The following FAAP20 variants were observed in gnomAD, a reference collection of about 807,000 sequenced individuals.
The protein encoded by FAAP20 is Fanconi anemia core complex-associated protein 20.
A neutral mutation model predicts 16.2 loss-of-function variants in FAAP20; 12 were observed. That is an observed-to-expected ratio of 0.74 (90% confidence interval 0.48 to 1.20). The LOEUF is 1.20. Among genes scored for constraint, FAAP20 ranks in the 50% most tolerant of loss-of-function variants. The pLI is 0.00. For synonymous variants in FAAP20, 141 were observed against 110.7 expected (o/e 1.27, Z -1.72); for missense variants, 288 against 245.8 (o/e 1.17, Z -1.15).
intron 3 of FAAP20, 129 bp from the exon 4 acceptor site, chr1:2,189,910 C>A (rs1030743495): frequency 1.3e-6 from 1 of 749,454 alleles, no homozygotes. Context: ...AAACAAGGGA[C>A]GGGGCCACCC....
At chr1:2,198,971 G>C (rs928529794), upstream of FAAP20, 1 of 1,288,266 alleles carries the variant, frequency 7.8e-7, no homozygotes, top group African/African-American at 1.5e-5. Flanking sequence ...AGCAGAGCAG[G>C]TGCTCGGGCC....
upstream of FAAP20, chr1:2,194,917 T>G: frequency 6.7e-6 from 4 of 594,746 alleles, no homozygotes; most frequent in East Asian, 9.4e-5. Flanking sequence ...GAGGCCAGGG[T>G]TCCTTCGTCC....
intron 3 of FAAP20, among the ~76,000 whole-genome samples, chr1:2,206,125 T>C (rs980718567): frequency 6.6e-6 from 1 of 152,236 alleles, no homozygotes; most frequent in African/African-American, 2.4e-5. Flanking sequence ...CACTTCCCTG[T>C]TGGTACTCAC....
At chr1:2,197,327 A>G (rs368176527), upstream of FAAP20, among the ~76,000 whole-genome samples, 5 of 152,266 alleles carry the variant, frequency 3.3e-5, no homozygotes, top group South Asian at 6.2e-4. Flanking sequence ...TGCCCTGGCC[A>G]CTGGGCCCAA....
At chr1:2,203,134 C>G (rs1689111798), upstream of FAAP20, among the ~76,000 whole-genome samples, 1 of 152,198 alleles carries the variant, frequency 6.6e-6, no homozygotes, top group Non-Finnish European at 1.5e-5. Flanking sequence ...CAGAGGGCAG[C>G]CCAGGGTCCC....
At position 2,189,647 on chromosome 1, in the gene FAAP20, G is replaced by C. The variant is rs1687935639; in HGVS notation, c.*62C>G. On this transcript the variant is annotated 3_prime_UTR_variant, in exon 4 of 4. Coordinates refer to ENST00000378546, the MANE Select transcript of FAAP20 (RefSeq NM_182533.4). The stretch of plus-strand genomic sequence containing the variant: ...TGCTGGCGGGGGAGCCGAGAGGCGG[G>C]GCTGCTGGCGGGGGAGAGCGTGTCC... 1 of 1,409,088 alleles carries C rather than the reference G, an allele frequency of 7.1e-7. No homozygotes were observed. Among genetic ancestry groups the C allele is most frequent in the Non-Finnish European group, 1.0e-6 (1 of 1,003,944 alleles). The allele number at this position is 1,409,088 out of a possible 1,614,324, so 87.3% of individuals were successfully genotyped here. A position where few individuals can be genotyped will look rare whatever the true frequency, so the allele number is the denominator to read the frequency against.
upstream of FAAP20, among the ~76,000 whole-genome samples, chr1:2,201,811 C>A (rs546811395): frequency 2.0e-3 from 308 of 152,060 alleles, 3 homozygotes; most frequent in African/African-American, 7.1e-3. Context: ...AAGTCAGGAG[C>A]TTGAGACCAT....
At chr1:2,207,722 A>T (rs972106334), downstream of FAAP20, 3 of 152,156 alleles carry the variant, frequency 2.0e-5, no homozygotes, top group African/African-American at 7.2e-5. Flanking sequence ...GTGGGCACTG[A>T]CCCCACAAAA....
upstream of FAAP20, among the ~76,000 whole-genome samples, chr1:2,202,534 G>A (rs772640055): frequency 6.6e-6 from 1 of 152,040 alleles, no homozygotes; most frequent in Non-Finnish European, 1.5e-5. Flanking sequence ...CATGATCTCG[G>A]CTCACTGCAA....
chr1:2,188,860 C>G (rs1164945855), downstream of FAAP20, among the ~76,000 whole-genome samples: 1 of 152,044 alleles, frequency 6.6e-6, no homozygotes, highest in African/African-American at 2.4e-5. Context: ...AAAAAATTAG[C>G]CGGGCGTGGT....
downstream of FAAP20, chr1:2,185,100 C>T: frequency 7.9e-7 from 1 of 1,273,488 alleles, no homozygotes; most frequent in East Asian, 2.5e-5. Flanking sequence ...GGGCACGGCT[C>T]CGAGGGCGGC....
chr1:2,185,204 C>T (rs1389763217), downstream of FAAP20: 1 of 706,008 alleles, frequency 1.4e-6, no homozygotes, highest in African/African-American at 1.7e-5. Flanking sequence ...CCGGGCAGGC[C>T]AGCTTCGTGC....
In FAAP20 at chr1:2,194,067, T is replaced by G. The variant is rs762828394; in HGVS notation, c.129A>C (p.Leu43=). 1.9e-6 allele frequency: 3 copies of G among 1,612,504 alleles called. No individual in the cohort carries two copies. Among genetic ancestry groups the G allele is most frequent in the Non-Finnish European group, 2.5e-6 (3 of 1,179,926 alleles). The change falls in exon 2 of 4, where the codon CTA becomes CTC. Residue 43 remains leucine, a synonymous_variant. Transcript: ENST00000378546. ...GDERERLWAE[L]LRTVSPELIL... ...TCAGCTCCGGGCTCACCGTGCGCAG[T>G]AGCTCGGCCCAGAGCCGCTCCCGCT...
At chr1:2,190,285 C>A (rs911826520) in intron 3 of FAAP20, 1 of 456,442 alleles carries the variant, frequency 2.2e-6, no homozygotes, top group African/African-American at 2.0e-5. Flanking sequence ...AGAAGGACGC[C>A]GTCACCGGCG....
downstream of FAAP20, among the ~76,000 whole-genome samples, chr1:2,188,467 G>A (rs150775626): frequency 6.6e-6 from 1 of 152,326 alleles, no homozygotes; most frequent in Non-Finnish European, 1.5e-5. Flanking sequence ...CGGCTCCAGA[G>A]GACGGCCCTC....
intron 3 of FAAP20, chr1:2,192,405 C>T: frequency 1.0e-6 from 1 of 995,426 alleles, no homozygotes; most frequent in East Asian, 1.1e-4. Context: ...GGCAGTCTGC[C>T]AAGCTTTCAG....
chr1:2,198,812 C>T, upstream of FAAP20: 3 of 1,289,702 alleles, frequency 2.3e-6, no homozygotes, highest in Non-Finnish European at 2.0e-6. Flanking sequence ...AGGAACTGGG[C>T]TGTGCTCCAC....
At chr1:2,198,222 T>C, upstream of FAAP20, 2 of 1,222,244 alleles carry the variant, frequency 1.6e-6, no homozygotes, top group South Asian at 1.3e-5. Flanking sequence ...AATTCATGTT[T>C]ACAAAAGAAC....
chr1:2,189,772 C>T lies in FAAP20; in HGVS notation c.480G>A (p.Gln160=), dbSNP rs764200923. The change falls in exon 4 of 4, where the codon CAG becomes CAA. Residue 160 remains glutamine (Q), a synonymous_variant. Transcript: ENST00000378546. ...CQKEFAPRLT[Q]LDVDSHLAQC... is the part of the protein sequence containing the mutation. ...GGGCCAGGTGGCTGTCAACATCCAG[C>T]TGGGTCAGCCTGCAAGGGAGGGGCC... The T allele has an allele frequency of 1.9e-6, 3 of 1,612,318 alleles. No homozygotes were observed. Among genetic ancestry groups the T allele is most frequent in the Non-Finnish European group, 2.5e-6 (3 of 1,179,296 alleles).
Sources: gnomAD v4.1 joint callset for allele counts (sites outside exome capture counted in the v4.1 genomes callset) on GRCh38, gnomAD v4.1.1 for gene constraint, MANE v1.5 for transcripts, NCBI Gene and HGNC (gene_info 2026-07-23, HGNC 2026-07-21) for gene names.